The following FRMD3 variants were observed in gnomAD, a reference collection of about 807,000 sequenced individuals.
FRMD3 encodes the protein FERM domain-containing protein 3.
Under a neutral mutation model 70.2 loss-of-function variants are expected in FRMD3, and 33 were observed. That is an observed-to-expected ratio of 0.47 (90% confidence interval 0.36 to 0.63). The LOEUF is 0.63. Among genes scored for constraint, FRMD3 ranks in the 20% least tolerant of loss-of-function variants. The probability of loss-of-function intolerance (pLI) is 0.00; values close to 1 mark genes in which losing one functional copy is unlikely to be tolerated. For missense variants in FRMD3, 632 were observed against 711.4 expected (o/e 0.89, Z 1.27); for synonymous variants, 279 against 255.9 (o/e 1.09, Z -0.86).
chr9:83,406,311 G>A (rs1294720629), intron 1 of FRMD3, among the ~76,000 whole-genome samples: 1 of 152,182 alleles, frequency 6.6e-6, no homozygotes, highest in African/African-American at 2.4e-5. Context: ...CCACAAGTTA[G>A]AAGATGAGAA....
intron 3 of FRMD3, among the ~76,000 whole-genome samples, chr9:83,366,827 G>C (rs1280965870): frequency 6.6e-6 from 1 of 152,138 alleles, no homozygotes; most frequent in Non-Finnish European, 1.5e-5. Flanking sequence ...GCCACTTCAT[G>C]TATACACATT....
chr9:83,360,092 G>T (rs1334153614), intron 3 of FRMD3, among the ~76,000 whole-genome samples: 1 of 152,172 alleles, frequency 6.6e-6, no homozygotes, highest in Non-Finnish European at 1.5e-5. Flanking sequence ...GGCAGCCCTG[G>T]CATCTAAAGG....
chr9:83,451,799 C>G lies in FRMD3; in HGVS notation c.148-62091G>C, dbSNP rs186795386. 6.6e-5 allele frequency among the ~76,000 whole-genome samples: 10 copies of G among 152,278 alleles called. No individual in the cohort carries two copies. In the East Asian group the frequency reaches 1.7e-3, roughly 26 times the overall value. On this transcript the variant is annotated intron_variant, in intron 1 of 13. Coordinates refer to ENST00000304195, the MANE Select transcript of FRMD3 (RefSeq NM_174938.6). ...CTGCCTCTCACCTTAATAGATAAAA[C>G]TGCTTATGAATTATTAACAACTATT...
At chr9:83,567,966 C>T in the FRMD3 span, among the ~76,000 whole-genome samples, 11 of 152,182 alleles carry the variant, frequency 7.2e-5, no homozygotes, top group Non-Finnish European at 1.0e-4. Context: ...TTCAGTAATG[C>T]CCCACTCTAC....
chr9:83,262,291 C>T (rs1833029034), intron 13 of FRMD3, among the ~76,000 whole-genome samples: 1 of 152,150 alleles, frequency 6.6e-6, no homozygotes, highest in Admixed American at 6.5e-5. Flanking sequence ...TAAATGACAC[C>T]ATATTTTCTT....
intron 1 of FRMD3, among the ~76,000 whole-genome samples, chr9:83,430,613 C>T (rs1398789700): frequency 6.6e-6 from 1 of 151,910 alleles, no homozygotes. Context: ...AAATGGCTTG[C>T]TTTTTTTTAA....
At chr9:83,522,399 G>T (rs546398554) in intron 1 of FRMD3, among the ~76,000 whole-genome samples, 16 of 152,124 alleles carry the variant, frequency 1.1e-4, no homozygotes, top group East Asian at 7.8e-4. Flanking sequence ...CGGCTGGGGG[G>T]GCAGGGAGCT....
chr9:83,334,724 T>C (rs1823519665), intron 6 of FRMD3, among the ~76,000 whole-genome samples: 1 of 152,132 alleles, frequency 6.6e-6, no homozygotes, highest in Non-Finnish European at 1.5e-5. Context: ...TACACACACT[T>C]CATTTGATTC....
chr9:83,248,435 T>G lies in FRMD3; in HGVS notation c.1277A>C (p.Asp426Ala). The change falls in exon 14 of 14, where the codon GAT becomes GCT. Residue 426 changes from aspartate (D) to alanine (A), a missense_variant. Asp to Ala is a moderately radical substitution (Grantham distance 126). Around this residue, in one of 3 missense-constraint regions of FRMD3, gnomAD observed 418 missense variants for 442.1 expected, o/e 0.95. Coordinates refer to ENST00000304195, the MANE Select transcript of FRMD3 (RefSeq NM_174938.6). ...TTTATCTTCCTCTTCACTAGGGGGATCTTCATACTCCCGGGCTGCCTTCAC... is the reference window on the plus strand; with the variant it reads ...TTTATCTTCCTCTTCACTAGGGGGAGCTTCATACTCCCGGGCTGCCTTCAC... ...SPVKAAREYEDPPSEEEDKIK... is the reference protein window; with the variant it reads ...SPVKAAREYEAPPSEEEDKIK... The G allele has an allele frequency of 6.2e-7, 1 of 1,614,134 alleles. No homozygotes were observed. Among genetic ancestry groups the G allele is most frequent in the Non-Finnish European group, 8.5e-7 (1 of 1,180,024 alleles).
intron 1 of FRMD3, among the ~76,000 whole-genome samples, chr9:83,522,730 A>AT (rs1401704012): frequency 1.3e-5 from 2 of 151,458 alleles, no homozygotes; most frequent in Non-Finnish European, 2.9e-5. Flanking sequence ...CGCCCGGCTA[A>AT]TTTTTTGTAT....
At chr9:83,380,520 T>A (rs1292240359) in intron 2 of FRMD3, among the ~76,000 whole-genome samples, 1 of 152,192 alleles carries the variant, frequency 6.6e-6, no homozygotes, top group Non-Finnish European at 1.5e-5. Context: ...GAGATCATTT[T>A]CCTCTACCTT....
chr9:83,292,161 C>CG (rs1834446301), intron 12 of FRMD3, among the ~76,000 whole-genome samples: 1 of 141,188 alleles, frequency 7.1e-6, no homozygotes. Flanking sequence ...TTAATAAATA[C>CG]TTTTTTTTTT....
At chr9:83,413,050 A>G (rs1485207598) in intron 1 of FRMD3, among the ~76,000 whole-genome samples, 4 of 152,172 alleles carry the variant, frequency 2.6e-5, no homozygotes, top group Non-Finnish European at 5.9e-5. Flanking sequence ...AAGAAAAAGA[A>G]AAAAATATGG....
rs1374240048 is a variant in FRMD3 at position 83,389,652 on chromosome 9, C to A, written c.204G>T (p.Leu68=). The A allele has an allele frequency of 6.2e-7, 1 of 1,614,054 alleles. No homozygotes were observed. Among genetic ancestry groups the A allele is most frequent in the Admixed American group, 1.7e-5 (1 of 60,008 alleles). The change falls in exon 2 of 14, where the codon CTG becomes CTT. Residue 68 remains leucine, a synonymous_variant. Transcript: ENST00000304195. The part of the protein sequence containing the change: ...IDHICNYYSL[L]EKDYFGIRYV... ...AGCGAATGCCAAAGTAGTCCTTCTC[C>A]AGCAGGCTGTAGTAGTTGCAGATGT...
intron 1 of FRMD3, among the ~76,000 whole-genome samples, chr9:83,412,981 G>A (rs931793795): frequency 1.3e-5 from 2 of 151,680 alleles, no homozygotes; most frequent in African/African-American, 4.8e-5. Flanking sequence ...GCAACAGAGT[G>A]AGACTCTGTC....
chr9:83,393,325 G>T (rs952841073), intron 1 of FRMD3, among the ~76,000 whole-genome samples: 2 of 152,174 alleles, frequency 1.3e-5, no homozygotes, highest in African/African-American at 4.8e-5. Flanking sequence ...TGCTAGCCAA[G>T]ATGTGACCCA....
chr9:83,419,610 T>C (rs1165785248), intron 1 of FRMD3, among the ~76,000 whole-genome samples: 2 of 151,364 alleles, frequency 1.3e-5, no homozygotes, highest in Non-Finnish European at 2.9e-5. Context: ...GCGTGTGTGA[T>C]ATGTGTGTGT....
At chr9:83,459,538 G>A (rs1194730086) in intron 1 of FRMD3, among the ~76,000 whole-genome samples, 1 of 152,222 alleles carries the variant, frequency 6.6e-6, no homozygotes, top group Non-Finnish European at 1.5e-5. Flanking sequence ...ACTGAGAGAT[G>A]CCTAGGCCTG....
At chr9:83,488,491 C>A (rs368131611) in intron 1 of FRMD3, among the ~76,000 whole-genome samples, 24 of 152,212 alleles carry the variant, frequency 1.6e-4, no homozygotes, top group African/African-American at 5.1e-4. Flanking sequence ...TGGATTAGGA[C>A]AGGTGGGATT....
Sources: gnomAD v4.1 joint callset for allele counts (sites outside exome capture counted in the v4.1 genomes callset) on GRCh38, gnomAD v4.1.1 for gene constraint, gnomAD v4.1.1 regional missense constraint, MANE v1.5 for transcripts, NCBI Gene and HGNC (gene_info 2026-07-23, HGNC 2026-07-21) for gene names.